DAB1: variants seen among roughly 807,000 people sequenced by gnomAD.
The protein encoded by DAB1 is disabled homolog 1.
A neutral mutation model predicts 64.6 loss-of-function variants in DAB1; 15 were observed. That is an observed-to-expected ratio of 0.23 (90% CI 0.16 to 0.36). DAB1 has a LOEUF of 0.36. Ranked by LOEUF, DAB1 falls within the 10% of genes least tolerant of loss-of-function variation. The pLI is 1.00. For missense variants in DAB1, 596 were observed against 706.7 expected, an observed-to-expected ratio of 0.84 and a Z score of 1.78; for synonymous variants, 235 against 251.9, an observed-to-expected ratio of 0.93 and a Z score of 0.64.
chr1:58,074,412 C>T (rs1248706122), intron 5 of DAB1: 2 of 138,928 alleles, frequency 1.4e-5, no homozygotes, highest in African/African-American at 5.4e-5. Flanking sequence ...AATAATCACA[C>T]AAAAAGAATA....
Position 57,273,339 on chromosome 1 carries a change from G to A in DAB1, c.67+17625C>T, listed in dbSNP as rs144334324. Reference sequence around the variant, plus strand: ...GACACCCTTCTTCATGTCTGCAAGAGGAACATGTTTCCCATAGGCCACTCC... The same window carrying A: ...GACACCCTTCTTCATGTCTGCAAGAAGAACATGTTTCCCATAGGCCACTCC... On this transcript the variant is annotated intron_variant, in intron 2 of 14. Coordinates refer to ENST00000371236, the MANE Select transcript of DAB1 (RefSeq NM_001365792.1). Among the ~76,000 whole-genome samples, 10 of 152,296 alleles carry A rather than the reference G, an allele frequency of 6.6e-5. No homozygotes were observed. In the East Asian group the frequency reaches 1.7e-3, roughly 27 times the overall value.
intron 3 of DAB1, among the ~76,000 whole-genome samples, chr1:58,442,590 C>CA (rs1197789039): frequency 6.6e-6 from 1 of 152,120 alleles, no homozygotes; most frequent in Non-Finnish European, 1.5e-5. Context: ...GAGGAGATGT[C>CA]AAAAAAGTGT....
At chr1:58,543,973 T>C (rs1646662760) in intron 1 of DAB1, among the ~76,000 whole-genome samples, 1 of 152,202 alleles carries the variant, frequency 6.6e-6, no homozygotes, top group East Asian at 1.9e-4. Flanking sequence ...CATATGTGGC[T>C]AGTGTCTACT....
intron 5 of DAB1, among the ~76,000 whole-genome samples, chr1:58,030,509 T>C (rs922487801): frequency 1.3e-5 from 2 of 152,236 alleles, no homozygotes; most frequent in Non-Finnish European, 2.9e-5. Context: ...AGATTTAGCC[T>C]GTTCATCTAA....
chr1:57,540,159 T>A (rs1917338), intron 7 of DAB1, among the ~76,000 whole-genome samples: 1 of 152,160 alleles, frequency 6.6e-6, no homozygotes, highest in African/African-American at 2.4e-5. Flanking sequence ...CAGATTTAAT[T>A]TTTGCCATTT....
intron 5 of DAB1, among the ~76,000 whole-genome samples, chr1:58,138,977 C>T (rs912242834): frequency 1.3e-5 from 2 of 152,220 alleles, no homozygotes; most frequent in African/African-American, 4.8e-5. Context: ...GTTACTTGTG[C>T]TTGGGCTGGT....
intron 3 of DAB1, among the ~76,000 whole-genome samples, chr1:57,138,623 T>C (rs1471697025): frequency 2.0e-5 from 3 of 152,196 alleles, no homozygotes; most frequent in African/African-American, 7.2e-5. Context: ...GATTGCTCAA[T>C]GTGCTCCTTG....
chr1:57,106,846 G>A (rs1655207376), intron 4 of DAB1, among the ~76,000 whole-genome samples: 2 of 152,072 alleles, frequency 1.3e-5, no homozygotes, highest in Non-Finnish European at 2.9e-5. Context: ...TAGAGGGAGA[G>A]ATCCAGCTAA....
chr1:58,449,428 T>C (rs1013914580), intron 3 of DAB1, among the ~76,000 whole-genome samples: 3 of 152,080 alleles, frequency 2.0e-5, no homozygotes, highest in African/African-American at 7.2e-5. Flanking sequence ...CCTACACTAC[T>C]GCAAATAATA....
rs78494538 is a variant in DAB1 at position 58,039,438 on chromosome 1, T to G, written n.387+111073A>C. ...CTGAGCAATCCTGGTGCCTTGAGTG[T>G]GCACCCCCACAAGGCATGGCACTTT... On this transcript the variant is annotated intron_variant and non_coding_transcript_variant, in intron 5 of 20. Coordinates refer to the DAB1 transcript ENST00000485760. Among the ~76,000 whole-genome samples the G allele has an allele frequency of 3.8e-3, 578 of 152,326 alleles. 4 individuals carry two copies. Among genetic ancestry groups the G allele is most frequent in the Non-Finnish European group, 6.6e-3 (447 of 68,022 alleles).
chr1:58,099,027 C>T (rs756533686), intron 5 of DAB1, among the ~76,000 whole-genome samples: 57 of 152,178 alleles, frequency 3.7e-4, no homozygotes, highest in Non-Finnish European at 4.0e-4. Flanking sequence ...AACAACTCTA[C>T]CCAGGCCCCT....
At chr1:57,122,124 T>A (rs891703501) in intron 4 of DAB1, among the ~76,000 whole-genome samples, 1 of 152,096 alleles carries the variant, frequency 6.6e-6, no homozygotes, top group Non-Finnish European at 1.5e-5. Flanking sequence ...TGATAGGTCA[T>A]TAGGAGAGAG....
At chr1:58,491,360 C>T (rs1344556546) in intron 3 of DAB1, among the ~76,000 whole-genome samples, 4 of 152,086 alleles carry the variant, frequency 2.6e-5, no homozygotes, top group Non-Finnish European at 4.4e-5. Flanking sequence ...CATCAACTCA[C>T]GAGCAAAATA....
chr1:57,091,484 T>TATAAG (rs1178728719), intron 4 of DAB1, among the ~76,000 whole-genome samples: 2 of 152,168 alleles, frequency 1.3e-5, no homozygotes, highest in African/African-American at 4.8e-5. Context: ...AAGAAGGTAT[T>TATAAG]TAGCTCAGAG....
intron 7 of DAB1, among the ~76,000 whole-genome samples, chr1:57,559,781 G>A (rs1645030356): frequency 6.6e-6 from 1 of 152,126 alleles, no homozygotes; most frequent in South Asian, 2.1e-4. Flanking sequence ...CCATTATGAT[G>A]GGAAAAGCCA....
chr1:58,334,603 C>CATTAT (rs55941113), intron 4 of DAB1, among the ~76,000 whole-genome samples: 2,844 of 140,832 alleles, frequency 0.02, 40 homozygotes, highest in African/African-American at 0.028. Context: ...TATTATATTA[C>CATTAT]ATTATATTAT....
At chr1:57,868,421 C>T (rs1239825852) in intron 1 of DAB1, among the ~76,000 whole-genome samples, 4 of 152,098 alleles carry the variant, frequency 2.6e-5, no homozygotes, top group Non-Finnish European at 4.4e-5. Flanking sequence ...CAGAGGCCAT[C>T]TGATCTGAAA....
At chr1:58,017,741 G>C (rs1228816517) in intron 5 of DAB1, among the ~76,000 whole-genome samples, 1 of 152,196 alleles carries the variant, frequency 6.6e-6, no homozygotes, top group Admixed American at 6.5e-5. Context: ...GTGGGGACCT[G>C]AGCGGTGCTC....
chr1:57,439,425 C>CTTTTTTTTTTTTTTTTTTTTT (rs71051230), intron 7 of DAB1, among the ~76,000 whole-genome samples: 1 of 97,984 alleles, frequency 1.0e-5, no homozygotes, highest in African/African-American at 4.9e-5. Context: ...GAGGTTTTTT[C>CTTTTTTTTTTTTTTTTTTTTT]TTTTTTTTTT....
Sources: gnomAD v4.1 joint callset for allele counts (sites outside exome capture counted in the v4.1 genomes callset) on GRCh38, gnomAD v4.1.1 for gene constraint, MANE v1.5 for transcripts, NCBI Gene and HGNC (gene_info 2026-07-23, HGNC 2026-07-21) for gene names.